Variants in MED13L observed in about 807,000 individuals in gnomAD.
MED13L encodes the protein mediator complex subunit 13L.
A neutral mutation model predicts 220.9 loss-of-function variants in MED13L; 7 were observed. The ratio of observed to expected loss-of-function variants is 0.03; its 90% CI spans 0.02 to 0.06. The LOEUF (loss-of-function observed/expected upper bound fraction) is 0.06. MED13L is among the 10% of genes least tolerant of loss of function. The probability of loss-of-function intolerance (pLI) is 1.00; values close to 1 mark genes in which losing one functional copy is unlikely to be tolerated. For missense variants in MED13L, 1,965 were observed against 2,760.5 expected (o/e 0.71, Z 6.46); for synonymous variants, 1,011 against 1,015.2 (o/e 1.00, Z 0.08).
At chr12:116,265,500 G>A (rs1444776911) in intron 1 of MED13L, among the ~76,000 whole-genome samples, 4 of 152,070 alleles carry the variant, frequency 2.6e-5, no homozygotes, top group South Asian at 2.1e-4. Flanking sequence ...TTTCTATATC[G>A]TCTTGGATTA....
intron 24 of MED13L, 90 bp downstream of exon 24, chr12:115,975,425 A>C: frequency 1.3e-6 from 2 of 1,591,708 alleles, no homozygotes; most frequent in Non-Finnish European, 1.7e-6. Context: ...TGCTGTACCC[A>C]CTTCATTTAC....
intron 4 of MED13L, among the ~76,000 whole-genome samples, chr12:116,078,725 C>A (rs1343807222): frequency 6.6e-6 from 1 of 152,178 alleles, no homozygotes; most frequent in Non-Finnish European, 1.5e-5. Context: ...GCCAAAAATA[C>A]TAATTATCTG....
intron 23 of MED13L, among the ~76,000 whole-genome samples, chr12:115,977,585 G>GTAC (rs1186758328): frequency 6.6e-6 from 1 of 152,200 alleles, no homozygotes; most frequent in African/African-American, 2.4e-5. Flanking sequence ...TAGACAAAAT[G>GTAC]TGGTACAGCC....
chr12:116,058,328 C>T (rs2137619463), intron 4 of MED13L, among the ~76,000 whole-genome samples: 1 of 152,262 alleles, frequency 6.6e-6, no homozygotes, highest in Admixed American at 6.5e-5. Flanking sequence ...CAATATGCTT[C>T]CATGTGTTTA....
chr12:116,180,290 C>T (rs1259603700), intron 2 of MED13L, among the ~76,000 whole-genome samples: 8 of 152,140 alleles, frequency 5.3e-5, no homozygotes, highest in Non-Finnish European at 4.4e-5. Flanking sequence ...TGCTCCAAAA[C>T]CCAAAACTTT....
chr12:116,161,515 TA>T (rs1186123093), intron 2 of MED13L, among the ~76,000 whole-genome samples: 2 of 152,162 alleles, frequency 1.3e-5, no homozygotes, highest in African/African-American at 2.4e-5. Flanking sequence ...TTACATTTAA[TA>T]AATATTTACT....
intron 2 of MED13L, among the ~76,000 whole-genome samples, chr12:116,224,239 T>A (rs1439159298): frequency 1.3e-5 from 2 of 152,194 alleles, no homozygotes; most frequent in Non-Finnish European, 2.9e-5. Flanking sequence ...ATGTTCATTT[T>A]CAATCAATTT....
chr12:116,078,762 C>G (rs954679538), intron 4 of MED13L, among the ~76,000 whole-genome samples: 7 of 152,012 alleles, frequency 4.6e-5, no homozygotes, highest in Non-Finnish European at 1.0e-4. Flanking sequence ...GTTCACCTGC[C>G]CCTCCTAAAA....
chr12:116,088,796 AAG>A (rs1299653590), intron 4 of MED13L, among the ~76,000 whole-genome samples: 1 of 152,140 alleles, frequency 6.6e-6, no homozygotes, highest in African/African-American at 2.4e-5. Flanking sequence ...TTGCTTAAAA[AAG>A]AAAAAAAAAA....
intron 1 of MED13L, among the ~76,000 whole-genome samples, chr12:116,249,922 G>A (rs1237260838): frequency 1.3e-5 from 2 of 149,694 alleles, no homozygotes; most frequent in Non-Finnish European, 3.0e-5. Context: ...GAGAGAAGGG[G>A]GACAAAAATA....
rs1005379971 is a variant in MED13L, at chr12:116,150,020, G to A, written c.311-38508C>T. Among the ~76,000 whole-genome samples, 4 of 152,076 alleles carry A rather than the reference G, an allele frequency of 2.6e-5. No homozygotes were observed. In the South Asian group the frequency reaches 8.3e-4, roughly 32 times the overall value. ...ATGAATGAATAAATTCATTTCTCTG[G>A]AAGTGGATCAAATACAAAATTAGAC... On this transcript the variant is annotated intron_variant, in intron 2 of 30. Coordinates refer to ENST00000281928, the MANE Select transcript of MED13L (RefSeq NM_015335.5).
At chr12:116,228,199 T>A (rs747308256) in intron 2 of MED13L, among the ~76,000 whole-genome samples, 1 of 152,088 alleles carries the variant, frequency 6.6e-6, no homozygotes, top group Non-Finnish European at 1.5e-5. Context: ...AAAGATTCCA[T>A]CTCCCTTACA....
At chr12:116,257,975 A>C (rs955590159) in intron 1 of MED13L, among the ~76,000 whole-genome samples, 2 of 152,210 alleles carry the variant, frequency 1.3e-5, no homozygotes, top group Non-Finnish European at 2.9e-5. Context: ...CTTTAAAAAA[A>C]CGTAAACTGT....
chr12:115,999,910 G>C (rs1394612323), intron 14 of MED13L, among the ~76,000 whole-genome samples: 1 of 152,144 alleles, frequency 6.6e-6, no homozygotes, highest in African/African-American at 2.4e-5. Flanking sequence ...ACTTTATAAA[G>C]TGGTCTTTAT....
rs191971886 is a variant in MED13L, at chr12:116,114,767, T to C, written c.311-3255A>G. The stretch of plus-strand genomic sequence containing the variant: ...AACTGAGTTTAGCCAAATCACTGAA[T>C]ACAAGGTCAACAGACAAAAAACTAT... On this transcript the variant is annotated intron_variant, in intron 2 of 30. Coordinates refer to ENST00000281928, the MANE Select transcript of MED13L (RefSeq NM_015335.5). 2.0e-3 allele frequency among the ~76,000 whole-genome samples: 301 copies of C among 152,264 alleles called. 4 individuals are homozygous for C. The highest frequency in any genetic ancestry group is 1.2e-3 in the Non-Finnish European group (82 of 68,014).
At chr12:116,079,876 T>C (rs1224394721) in intron 4 of MED13L, among the ~76,000 whole-genome samples, 1 of 152,138 alleles carries the variant, frequency 6.6e-6, no homozygotes, top group Non-Finnish European at 1.5e-5. Context: ...GTCCTCAATT[T>C]TGTTAACAGG....
At chr12:116,260,432 A>C (rs1872423697) in intron 1 of MED13L, among the ~76,000 whole-genome samples, 1 of 152,150 alleles carries the variant, frequency 6.6e-6, no homozygotes, top group Non-Finnish European at 1.5e-5. Context: ...GAACACGAGG[A>C]ACCCAGGAAT....
intron 19 of MED13L, among the ~76,000 whole-genome samples, chr12:115,985,716 ACATT>A (rs1877644762): frequency 6.6e-6 from 1 of 152,224 alleles, no homozygotes; most frequent in Non-Finnish European, 1.5e-5. Flanking sequence ...CCTGGTTTTT[ACATT>A]ATTATAGGAA....
At chr12:116,277,018 C>A (rs765021303) in intron 1 of MED13L, 42 bp downstream of exon 1, 90 of 1,408,480 alleles carry the variant, frequency 6.4e-5, no homozygotes, top group East Asian at 9.9e-5. Flanking sequence ...GGACCCCCCC[C>A]CTTCCCCGGC....
Sources: allele counts gnomAD v4.1 joint callset (sites outside exome capture counted in the v4.1 genomes callset), GRCh38; gene constraint gnomAD v4.1.1; transcripts MANE v1.5; gene names NCBI Gene and HGNC (gene_info 2026-07-23, HGNC 2026-07-21).